THADA: variants seen among roughly 807,000 people sequenced by gnomAD.
The protein encoded by THADA is tRNA (32-2'-O)-methyltransferase regulator THADA.
Under a neutral mutation model 219.8 loss-of-function variants are expected in THADA, and 213 were observed. That is an observed-to-expected ratio of 0.97 (90% CI 0.87 to 1.09). The LOEUF is 1.09. THADA is among the 50% of genes least tolerant of loss of function. THADA has a pLI of 0.00. For missense variants in THADA, 2,956 were observed against 2,311.3 expected (o/e 1.28, Z -5.72); for synonymous variants, 1,018 against 828.9 (o/e 1.23, Z -3.92).
intron 29 of THADA, among the ~76,000 whole-genome samples, chr2:43,367,075 G>C (rs1188742205): frequency 6.6e-6 from 1 of 152,182 alleles, no homozygotes; most frequent in African/African-American, 2.4e-5. Context: ...AGTGAAGCTA[G>C]TCACAAAAAA....
chr2:43,398,932 G>A (rs1290061050), intron 28 of THADA, among the ~76,000 whole-genome samples: 1 of 152,096 alleles, frequency 6.6e-6, no homozygotes, highest in South Asian at 2.1e-4. Flanking sequence ...CCCAAAGAGC[G>A]GGAATAAAAG....
chr2:43,434,892 G>A (rs573022216), intron 26 of THADA, among the ~76,000 whole-genome samples: 2 of 152,294 alleles, frequency 1.3e-5, no homozygotes, highest in South Asian at 4.1e-4. Context: ...TAAACTGAAA[G>A]AGCACTCTGT....
rs60448094 is a variant in THADA at position 43,501,307 on chromosome 2, CAAAAAAAAAAAA to C, written c.3622-2364_3622-2353del. On this transcript the variant is annotated intron_variant, in intron 24 of 37. Transcript: ENST00000405975. Reference sequence around the variant, plus strand: ...GGCAACAAAAGCGAAACTCCAACTCCAAAAAAAAAAAAAAAAAAAAAAAAAAAAAAAAGAGAG... The same window carrying C: ...GGCAACAAAAGCGAAACTCCAACTCCAAAAAAAAAAAAAAAAAAAAGAGAG... Among the ~76,000 whole-genome samples the C allele has an allele frequency of 3.9e-3, 58 of 15,056 alleles. 2 individuals carry two copies. Among genetic ancestry groups the C allele is most frequent in the Admixed American group, 7.4e-3 (6 of 816 alleles). The allele number at this position is 15,056 out of a possible 152,430, so 9.9% of individuals were successfully genotyped here. A position where few individuals can be genotyped will look rare whatever the true frequency, so the allele number is the denominator to read the frequency against.
At chr2:43,243,032 G>T (rs1357830901) in intron 36 of THADA, among the ~76,000 whole-genome samples, 1 of 152,216 alleles carries the variant, frequency 6.6e-6, no homozygotes, top group Admixed American at 6.5e-5. Context: ...AGAAGTGAGA[G>T]GAGTTGGCGG....
At chr2:43,586,279 A>C (rs1266325977) in intron 7 of THADA, 122 bp downstream of exon 7, 2 of 838,084 alleles carry the variant, frequency 2.4e-6, no homozygotes, top group Admixed American at 3.5e-5. Context: ...AAAATATAAA[A>C]GTGATAATAT....
intron 3 of THADA, among the ~76,000 whole-genome samples, chr2:43,591,414 T>C (rs1701552048): frequency 6.6e-6 from 1 of 152,148 alleles, no homozygotes; most frequent in Non-Finnish European, 1.5e-5. Flanking sequence ...TATTTCACTA[T>C]TTATTAACTT....
intron 30 of THADA, among the ~76,000 whole-genome samples, chr2:43,341,903 T>G (rs1573160402): frequency 1.3e-5 from 2 of 152,238 alleles, no homozygotes; most frequent in East Asian, 3.9e-4. Context: ...CAACTCCTAC[T>G]CTCTAAATAA....
chr2:43,581,994 T>C (rs1700514435), intron 7 of THADA, 66 bp from the exon 8 acceptor site: 2 of 1,232,166 alleles, frequency 1.6e-6, no homozygotes, highest in South Asian at 3.4e-5. Context: ...TTTCTAATTA[T>C]CAGCAAAATA....
intron 26 of THADA, among the ~76,000 whole-genome samples, chr2:43,446,344 T>C (rs373532037): frequency 6.6e-6 from 1 of 152,218 alleles, no homozygotes; most frequent in African/African-American, 2.4e-5. Flanking sequence ...GGATGCCTCA[T>C]GACTTGCTTT....
intron 29 of THADA, among the ~76,000 whole-genome samples, chr2:43,364,467 C>G (rs1669898125): frequency 6.6e-6 from 1 of 152,148 alleles, no homozygotes; most frequent in South Asian, 2.1e-4. Flanking sequence ...CCCTTAGCTT[C>G]TACCCATCTT....
At chr2:43,269,643 TG>T (rs1374469914) in intron 36 of THADA, among the ~76,000 whole-genome samples, 3 of 152,202 alleles carry the variant, frequency 2.0e-5, no homozygotes, top group African/African-American at 7.2e-5. Context: ...CTGGCAGGAA[TG>T]GGGGCCTACC....
At chr2:43,587,619 C>G (rs754363676) in intron 4 of THADA, among the ~76,000 whole-genome samples, 4 of 152,186 alleles carry the variant, frequency 2.6e-5, no homozygotes, top group Non-Finnish European at 4.4e-5. Context: ...CTGAGCAAAG[C>G]TATATGAAGT....
chr2:43,590,156 TA>T (rs1295765932), intron 4 of THADA, among the ~76,000 whole-genome samples: 10 of 152,184 alleles, frequency 6.6e-5, no homozygotes, highest in Non-Finnish European at 1.5e-5. Flanking sequence ...TTTTATTTTG[TA>T]TAGTTCTATA....
chr2:43,262,811 G>A (rs1004227496), intron 36 of THADA, among the ~76,000 whole-genome samples: 3 of 152,172 alleles, frequency 2.0e-5, no homozygotes, highest in Admixed American at 6.5e-5. Context: ...GAGTTTTTAC[G>A]AAATGTAGAA....
chr2:43,266,642 T>G (rs533742347), intron 36 of THADA, among the ~76,000 whole-genome samples: 13 of 152,058 alleles, frequency 8.5e-5, no homozygotes, highest in Non-Finnish European at 1.8e-4. Context: ...CACTCTGCTG[T>G]GATGGAGGCC....
At chr2:43,358,372 G>T (rs1182364422) in intron 29 of THADA, among the ~76,000 whole-genome samples, 2 of 151,688 alleles carry the variant, frequency 1.3e-5, no homozygotes, top group Non-Finnish European at 2.9e-5. Context: ...CATTCCCAAG[G>T]CTCTTCCTCT....
At chr2:43,248,164 TAGAGAGAGAGAGAGAGAGAGAGAG>T (rs70963389) in intron 36 of THADA, among the ~76,000 whole-genome samples, 21 of 40,932 alleles carry the variant, frequency 5.1e-4, no homozygotes, top group African/African-American at 2.1e-3. Context: ...TATATATATA[TAGAGAGAGAGAGAGAGAGAGAGAG>T]AGAGAGAGAG....
intron 17 of THADA, among the ~76,000 whole-genome samples, chr2:43,554,035 G>C (rs758884083): frequency 2.6e-5 from 4 of 152,120 alleles, no homozygotes; most frequent in Non-Finnish European, 5.9e-5. Context: ...ATCAGACATA[G>C]GATTTGCAAA....
At chr2:43,332,326 C>A (rs1385464088) in intron 30 of THADA, among the ~76,000 whole-genome samples, 1 of 152,202 alleles carries the variant, frequency 6.6e-6, no homozygotes, top group African/African-American at 2.4e-5. Flanking sequence ...CCTTGACACC[C>A]CTACCCTGAC....
Sources: allele counts gnomAD v4.1 joint callset (sites outside exome capture counted in the v4.1 genomes callset), GRCh38; gene constraint gnomAD v4.1.1; transcripts MANE v1.5; gene names NCBI Gene and HGNC (gene_info 2026-07-23, HGNC 2026-07-21).